TNFAIP6: variants seen among roughly 807,000 people sequenced by gnomAD.
TNFAIP6 encodes the protein TNF alpha induced protein 6, also known as tumor necrosis factor-inducible gene 6 protein.
TNFAIP6 carries 36 observed loss-of-function variants against 33.7 expected under a neutral mutation model. The ratio of observed to expected loss-of-function variants is 1.07; its 90% confidence interval spans 0.82 to 1.41. The LOEUF is 1.41. TNFAIP6 is among the 40% of genes most tolerant of loss of function. The pLI, the probability that TNFAIP6 is intolerant of heterozygous loss-of-function variation, is 0.00. For synonymous variants in TNFAIP6, 113 were observed against 112.8 expected, an observed-to-expected ratio of 1.00 and a Z score of -0.01; for missense variants, 273 against 331.9, an observed-to-expected ratio of 0.82 and a Z score of 1.38.
In TNFAIP6 at chr2:151,366,057, A is replaced by T. The variant is rs369161322; in HGVS notation, c.234A>T (p.Gly78=). 1 of 1,613,854 alleles carries T rather than the reference A, an allele frequency of 6.2e-7. No homozygotes were observed. Among genetic ancestry groups the T allele is most frequent in the Non-Finnish European group, 8.5e-7 (1 of 1,179,852 alleles). Residue 78 remains glycine (G), a splice_region_variant and synonymous_variant, in exon 3 of 6, where the codon GGA becomes GGT. Coordinates refer to ENST00000243347, the MANE Select transcript of TNFAIP6 (RefSeq NM_007115.4). The part of the protein sequence containing the change: ...YKQLEAARKI[G]FHVCAAGWMA... ...CCATAACTCTTTTTCTTCTTGCAGG[A>T]TTTCATGTCTGTGCTGCTGGATGGA...
In TNFAIP6 at chr2:151,359,246, T is replaced by A. The variant is rs560673495; in HGVS notation, c.94+1486T>A. On this transcript the variant is annotated intron_variant, in intron 1 of 5. Transcript: ENST00000243347. Reference sequence around the variant, plus strand: ...ATCAATATAATCTTTTTAGAAACCATTTAGGAAGGAAAGATAGTTGGATTA... The same window carrying A: ...ATCAATATAATCTTTTTAGAAACCAATTAGGAAGGAAAGATAGTTGGATTA... Among the ~76,000 whole-genome samples the A allele has an allele frequency of 1.3e-4, 20 of 152,234 alleles. No homozygotes were observed. The South Asian group carries it at 3.5e-3, about 27-fold the overall frequency.
downstream of TNFAIP6, among the ~76,000 whole-genome samples, chr2:151,380,829 C>T (rs928983555): frequency 6.6e-6 from 1 of 152,148 alleles, no homozygotes; most frequent in Non-Finnish European, 1.5e-5. Context: ...GCATGAGTGA[C>T]TCCATTTTGG....
intron 1 of TNFAIP6, among the ~76,000 whole-genome samples, chr2:151,363,057 T>C (rs551588639): frequency 6.6e-6 from 1 of 152,360 alleles, no homozygotes; most frequent in East Asian, 1.9e-4. Flanking sequence ...GTCTCACGTC[T>C]GTAATCCTAA....
downstream of TNFAIP6, among the ~76,000 whole-genome samples, chr2:151,380,917 T>A (rs1241549979): frequency 6.6e-6 from 1 of 152,198 alleles, no homozygotes; most frequent in Non-Finnish European, 1.5e-5. Flanking sequence ...AGAATAAAAA[T>A]TCCCATTATA....
At chr2:151,365,259 C>A (rs1684690894) in intron 2 of TNFAIP6, among the ~76,000 whole-genome samples, 1 of 152,114 alleles carries the variant, frequency 6.6e-6, no homozygotes, top group Non-Finnish European at 1.5e-5. Context: ...GAGAGGATTG[C>A]TTGAACCCAG....
chr2:151,372,371 T>C (rs1684832695), intron 4 of TNFAIP6: 1 of 152,202 alleles, frequency 6.6e-6, no homozygotes. Flanking sequence ...ATTTACCCTT[T>C]AGGTAAATTT....
intron 1 of TNFAIP6, among the ~76,000 whole-genome samples, chr2:151,363,288 AGAGT>A (rs1684658375): frequency 6.6e-6 from 1 of 152,102 alleles, no homozygotes; most frequent in East Asian, 1.9e-4. Context: ...CCTGGGCGAC[AGAGT>A]GAGACTCCGT....
chr2:151,375,837 G>A (rs956033633), intron 5 of TNFAIP6, among the ~76,000 whole-genome samples: 12 of 152,232 alleles, frequency 7.9e-5, no homozygotes, highest in African/African-American at 2.9e-4. Flanking sequence ...CATTGGCCAA[G>A]CATGGTAGCT....
At chr2:151,377,223 G>T (rs912949572) in intron 5 of TNFAIP6, among the ~76,000 whole-genome samples, 11 of 151,020 alleles carry the variant, frequency 7.3e-5, no homozygotes, top group African/African-American at 2.7e-4. Context: ...AGGCTGGAGT[G>T]CAGTGGCAGG....
chr2:151,362,367 GT>G (rs1375889141), intron 1 of TNFAIP6, among the ~76,000 whole-genome samples: 2 of 151,596 alleles, frequency 1.3e-5, no homozygotes, highest in Non-Finnish European at 2.9e-5. Flanking sequence ...TGGTAGTTAG[GT>G]GTGTCCAGTT....
chr2:151,375,638 G>C (rs2152018520), intron 5 of TNFAIP6, among the ~76,000 whole-genome samples: 1 of 152,016 alleles, frequency 6.6e-6, no homozygotes, highest in African/African-American at 2.4e-5. Context: ...AACCTGGGAG[G>C]CAGAGGTTGC....
Position 151,373,606 on chromosome 2 carries a change from AG to A in TNFAIP6, c.664+19del. 6.7e-7 allele frequency: 1 copy of A among 1,483,566 alleles called. No individual in the cohort carries two copies. The highest frequency in any genetic ancestry group is 9.1e-7 in the Non-Finnish European group (1 of 1,096,262). The allele number at this position is 1,483,566 out of a possible 1,614,324, so 91.9% of individuals were successfully genotyped here. A position where few individuals can be genotyped will look rare whatever the true frequency, so the allele number is the denominator to read the frequency against. On this transcript the variant is annotated intron_variant, in intron 5 of 5. Coordinates refer to ENST00000243347, the MANE Select transcript of TNFAIP6 (RefSeq NM_007115.4). ...TCAGTACAGGTAAGGTTTTAAATTGAGGACCAAAACTATGATTTGTTTCTTT... is the reference window on the plus strand; with the variant it reads ...TCAGTACAGGTAAGGTTTTAAATTGAGACCAAAACTATGATTTGTTTCTTT...
chr2:151,376,860 CTTTTCTTTT>C (rs1206304213), intron 5 of TNFAIP6, among the ~76,000 whole-genome samples: 10 of 113,340 alleles, frequency 8.8e-5, no homozygotes, highest in African/African-American at 2.9e-4. Context: ...ATTTCTTTTT[CTTTTCTTTT>C]TTTTTTTTTT....
At chr2:151,375,363 T>C (rs1360497795) in intron 5 of TNFAIP6, among the ~76,000 whole-genome samples, 1 of 151,824 alleles carries the variant, frequency 6.6e-6, no homozygotes. Context: ...GAAGAGGACA[T>C]TGATACAAAG....
intron 3 of TNFAIP6, among the ~76,000 whole-genome samples, chr2:151,367,656 G>A (rs1684735777): frequency 6.6e-6 from 1 of 152,036 alleles, no homozygotes; most frequent in Non-Finnish European, 1.5e-5. Context: ...ATTATTATAA[G>A]TTGCTTTCTT....
At chr2:151,363,208 C>T (rs556933619) in intron 1 of TNFAIP6, among the ~76,000 whole-genome samples, 5 of 152,132 alleles carry the variant, frequency 3.3e-5, no homozygotes, top group African/African-American at 1.2e-4. Flanking sequence ...CCCAGCTACT[C>T]GGAAGGCTGA....
At chr2:151,369,202 C>CA (rs771517642) in intron 3 of TNFAIP6, among the ~76,000 whole-genome samples, 8 of 151,800 alleles carry the variant, frequency 5.3e-5, no homozygotes, top group South Asian at 2.1e-4. Context: ...AAAACAACAA[C>CA]AACAAAAAAT....
chr2:151,373,395 C>G (rs1684848488), intron 4 of TNFAIP6, among the ~76,000 whole-genome samples, 154 bp from the exon 5 acceptor site: 1 of 152,148 alleles, frequency 6.6e-6, no homozygotes, highest in Non-Finnish European at 1.5e-5. Context: ...AACTCCTACT[C>G]TCTCTTACAA....
Position 151,364,059 on chromosome 2 carries a change from C to G in TNFAIP6, c.211C>G (p.Leu71Val). 6.2e-7 allele frequency: 1 copy of G among 1,613,876 alleles called. No individual in the cohort carries two copies. Among genetic ancestry groups the G allele is most frequent in the African/African-American group, 1.3e-5 (1 of 75,012 alleles). Residue 71 changes from leucine (L) to valine (V), a missense_variant, in exon 2 of 6, where the codon CTA becomes GTA. Physicochemically the swap from Leu to Val is conservative, Grantham distance 32 (BLOSUM62 1). Coordinates refer to ENST00000243347, the MANE Select transcript of TNFAIP6 (RefSeq NM_007115.4). ...CGGCCATCTCGCAACTTACAAGCAGCTAGAGGCAGCCAGAAAAATTGGTAA... is the reference window on the plus strand; with the variant it reads ...CGGCCATCTCGCAACTTACAAGCAGGTAGAGGCAGCCAGAAAAATTGGTAA... ...EGGHLATYKQ[L>V]EAARKIGFHV...
Sources: gnomAD v4.1 joint callset for allele counts (sites outside exome capture counted in the v4.1 genomes callset) on GRCh38, gnomAD v4.1.1 for gene constraint, MANE v1.5 for transcripts, NCBI Gene and HGNC (gene_info 2026-07-23, HGNC 2026-07-21) for gene names.